EXOC4: variants seen among roughly 807,000 people sequenced by gnomAD.
EXOC4 encodes exocyst complex component 4, also known as SEC8-like 1.
A neutral mutation model predicts 107.2 loss-of-function variants in EXOC4; 71 were observed. That is an observed-to-expected ratio of 0.66 (90% CI 0.55 to 0.81). The LOEUF (loss-of-function observed/expected upper bound fraction) is 0.81. Among genes scored for constraint, EXOC4 ranks in the 30% least tolerant of loss-of-function variants. The pLI is 0.00. For missense variants in EXOC4, 1,108 were observed against 1,189.6 expected, an observed-to-expected ratio of 0.93 and a Z score of 1.01; for synonymous variants, 456 against 441.2, an observed-to-expected ratio of 1.03 and a Z score of -0.42.
intron 12 of EXOC4, among the ~76,000 whole-genome samples, chr7:133,900,955 C>T (rs563673346): frequency 9.0e-4 from 137 of 152,192 alleles, no homozygotes; most frequent in African/African-American, 3.0e-3. Context: ...CTGCAGCCTC[C>T]GCCTCCCAGA....
intron 14 of EXOC4, among the ~76,000 whole-genome samples, chr7:133,994,598 A>C (rs1488139610): frequency 6.6e-6 from 1 of 152,218 alleles, no homozygotes; most frequent in Non-Finnish European, 1.5e-5. Context: ...GATGTCATCC[A>C]TCCCTAGTAT....
intron 14 of EXOC4, among the ~76,000 whole-genome samples, chr7:133,953,368 T>C (rs1800738330): frequency 6.6e-6 from 1 of 151,758 alleles, no homozygotes; most frequent in South Asian, 2.1e-4. Flanking sequence ...GAGGCTGAGG[T>C]GGGAAGATCT....
chr7:133,573,099 A>C (rs779329217), intron 9 of EXOC4, among the ~76,000 whole-genome samples: 1 of 152,256 alleles, frequency 6.6e-6, no homozygotes. Context: ...GGATGTGGTC[A>C]TGTATAGCAG....
intron 9 of EXOC4, among the ~76,000 whole-genome samples, chr7:133,566,831 T>TTATGTGTAG (rs1373858373): frequency 2.6e-5 from 4 of 152,200 alleles, no homozygotes; most frequent in Admixed American, 2.6e-4. Context: ...GATTTTATGG[T>TTATGTGTAG]TATGTGTAGA....
rs546741803 is a variant in EXOC4 at position 133,432,768 on chromosome 7, T to G, written c.1183-42560T>G. Among the ~76,000 whole-genome samples the G allele has an allele frequency of 1.5e-4, 23 of 152,348 alleles. No individual in the cohort carries two copies. In the South Asian group the frequency reaches 4.6e-3, roughly 30 times the overall value. On this transcript the variant is annotated intron_variant, in intron 7 of 17. Transcript: ENST00000253861. The stretch of plus-strand genomic sequence containing the variant: ...TACTACATTATCCAAGTTGGAAACC[T>G]TGGTATGATCTTTCCTGCTTTCTCT...
At chr7:134,089,512 C>T in the EXOC4 span, among the ~76,000 whole-genome samples, 1 of 152,132 alleles carries the variant, frequency 6.6e-6, no homozygotes, top group Non-Finnish European at 1.5e-5. Flanking sequence ...CTGACTCTTT[C>T]CAACATCTAA....
At chr7:133,711,686 T>A (rs1222243928) in intron 10 of EXOC4, among the ~76,000 whole-genome samples, 1 of 152,182 alleles carries the variant, frequency 6.6e-6, no homozygotes, top group Non-Finnish European at 1.5e-5. Context: ...CAGGATAAAG[T>A]CCAAATTATT....
intron 12 of EXOC4, among the ~76,000 whole-genome samples, chr7:133,900,091 T>C (rs1799418848): frequency 6.6e-6 from 1 of 152,140 alleles, no homozygotes; most frequent in Admixed American, 6.5e-5. Context: ...GACACAATGC[T>C]TCTTAGTGTG....
At chr7:133,335,943 A>T (rs947795303) in intron 5 of EXOC4, among the ~76,000 whole-genome samples, 30 of 152,136 alleles carry the variant, frequency 2.0e-4, no homozygotes, top group African/African-American at 7.2e-4. Flanking sequence ...ATGATTAGTG[A>T]TGCTGGACAT....
intron 11 of EXOC4, among the ~76,000 whole-genome samples, chr7:133,858,191 C>T (rs1798459443): frequency 6.6e-6 from 1 of 152,272 alleles, no homozygotes; most frequent in African/African-American, 2.4e-5. Flanking sequence ...GTCCAGCATC[C>T]AGGAAGAATG....
rs1362601904 is a variant in EXOC4 at position 133,604,706 on chromosome 7, CTTTCTT to C, written c.1418-25335_1418-25330del. Among the ~76,000 whole-genome samples, 247 of 87,502 alleles carry C rather than the reference CTTTCTT, an allele frequency of 2.8e-3. 16 individuals carry two copies. The highest frequency in any genetic ancestry group is 7.2e-3 in the Middle Eastern group (1 of 138). 57.4% of individuals were successfully genotyped at this position (87,502 alleles called of 152,430 possible). On this transcript the variant is annotated intron_variant, in intron 9 of 17. Coordinates refer to ENST00000253861, the MANE Select transcript of EXOC4 (RefSeq NM_021807.4). ...TTTTTCTTTCCTTCCTTCCTTCCTTCTTTCTTTTTTTTTTTTTTTTTTTTTTTTTTT... is the reference window on the plus strand; with the variant it reads ...TTTTTCTTTCCTTCCTTCCTTCCTTCTTTTTTTTTTTTTTTTTTTTTTTTT...
chr7:133,328,901 G>T (rs577123130), intron 5 of EXOC4, among the ~76,000 whole-genome samples: 1 of 152,222 alleles, frequency 6.6e-6, no homozygotes, highest in East Asian at 1.9e-4. Context: ...ATGTCTTGGG[G>T]TTGCTCTTCT....
chr7:133,842,006 G>T (rs573474888), intron 11 of EXOC4, among the ~76,000 whole-genome samples: 2 of 152,112 alleles, frequency 1.3e-5, no homozygotes, highest in Non-Finnish European at 2.9e-5. Context: ...TTCTTTTTTA[G>T]TATTCCACGG....
At chr7:133,948,675 CT>C (rs1156262612) in intron 14 of EXOC4, among the ~76,000 whole-genome samples, 2 of 152,150 alleles carry the variant, frequency 1.3e-5, no homozygotes, top group Admixed American at 6.5e-5. Context: ...TTTCAAGAAC[CT>C]TTGTAACCAC....
chr7:133,939,029 C>T (rs192022092), intron 14 of EXOC4, among the ~76,000 whole-genome samples: 7 of 152,178 alleles, frequency 4.6e-5, no homozygotes, highest in African/African-American at 7.2e-5. Flanking sequence ...GGATTACAGG[C>T]GTGAGCAAGC....
downstream of EXOC4, among the ~76,000 whole-genome samples, chr7:134,069,310 T>TCCTCCTCCTTC: frequency 7.7e-6 from 1 of 130,228 alleles, no homozygotes; most frequent in East Asian, 2.4e-4. Flanking sequence ...TCCTCCTCCT[T>TCCTCCTCCTTC]TCTTCCTTCT....
At chr7:133,627,229 C>T (rs1802477333) in intron 9 of EXOC4, among the ~76,000 whole-genome samples, 1 of 152,098 alleles carries the variant, frequency 6.6e-6, no homozygotes, top group South Asian at 2.1e-4. Context: ...GATGTGGGAC[C>T]TAAAGAAATG....
rs143395362 is a variant in EXOC4 at position 134,023,788 on chromosome 7, A to C, written c.2687+15953A>C. Among the ~76,000 whole-genome samples, 360 of 152,344 alleles carry C rather than the reference A, an allele frequency of 2.4e-3. 1 individual carries two copies. Among genetic ancestry groups the C allele is most frequent in the Non-Finnish European group, 4.2e-3 (289 of 68,032 alleles). ...AGTATTCCTAGTCAAAAGAACTTAAAGGAGGGATGGCAGTGTTTTATCTTC... is the reference window on the plus strand; with the variant it reads ...AGTATTCCTAGTCAAAAGAACTTAACGGAGGGATGGCAGTGTTTTATCTTC... On this transcript the variant is annotated intron_variant, in intron 17 of 17. Coordinates refer to ENST00000253861, the MANE Select transcript of EXOC4 (RefSeq NM_021807.4).
chr7:133,645,046 C>T (rs897420612), intron 10 of EXOC4, among the ~76,000 whole-genome samples: 6 of 150,922 alleles, frequency 4.0e-5, no homozygotes, highest in African/African-American at 1.5e-4. Flanking sequence ...AATTTCTGCT[C>T]ATCCCTCAGC....
Sources: gnomAD v4.1 joint callset for allele counts (sites outside exome capture counted in the v4.1 genomes callset) on GRCh38, gnomAD v4.1.1 for gene constraint, MANE v1.5 for transcripts, NCBI Gene and HGNC (gene_info 2026-07-23, HGNC 2026-07-21) for gene names.